Variants in GPC6 observed in about 807,000 individuals in gnomAD.
GPC6 encodes the protein glypican 6.
A neutral mutation model predicts 55.2 loss-of-function variants in GPC6; 14 were observed. That is an observed-to-expected ratio of 0.25 (90% CI 0.17 to 0.40). The LOEUF (loss-of-function observed/expected upper bound fraction) is 0.40, where lower values mean the gene tolerates loss of function less well. GPC6 is among the 10% of genes least tolerant of loss of function. The pLI is 1.00. For synonymous variants in GPC6, 278 were observed against 259.6 expected, an observed-to-expected ratio of 1.07 and a Z score of -0.68; for missense variants, 641 against 708.5, an observed-to-expected ratio of 0.90 and a Z score of 1.08.
At chr13:94,100,969 G>T (rs550702901) in intron 4 of GPC6, among the ~76,000 whole-genome samples, 1 of 152,280 alleles carries the variant, frequency 6.6e-6, no homozygotes, top group South Asian at 2.1e-4. Context: ...ATTACAAGAG[G>T]TCATTCATTT....
chr13:93,867,068 C>T (rs1216850438), intron 3 of GPC6, among the ~76,000 whole-genome samples: 1 of 151,610 alleles, frequency 6.6e-6, no homozygotes, highest in Admixed American at 6.6e-5. Context: ...TAGGAGATGA[C>T]TGAAATGTAT....
intron 3 of GPC6, among the ~76,000 whole-genome samples, chr13:94,010,833 T>C (rs767260749): frequency 6.6e-6 from 1 of 152,188 alleles, no homozygotes; most frequent in Non-Finnish European, 1.5e-5. Flanking sequence ...TAATGGTGGA[T>C]GATGTTCCTA....
chr13:93,358,518 C>T (rs567698356), intron 1 of GPC6, among the ~76,000 whole-genome samples: 100 of 152,198 alleles, frequency 6.6e-4, no homozygotes, highest in African/African-American at 2.4e-3. Flanking sequence ...CAGGTCCCAC[C>T]GCCCTTAAGT....
chr13:93,619,860 T>G (rs1878877494), intron 2 of GPC6, among the ~76,000 whole-genome samples: 1 of 152,188 alleles, frequency 6.6e-6, no homozygotes, highest in African/African-American at 2.4e-5. Flanking sequence ...TTTTTTGTTT[T>G]CATAGTATAG....
intron 3 of GPC6, among the ~76,000 whole-genome samples, chr13:93,839,244 A>G (rs1038778599): frequency 2.0e-5 from 3 of 152,120 alleles, no homozygotes; most frequent in African/African-American, 7.2e-5. Flanking sequence ...AAGGTGTGCA[A>G]AGCTTGGTTC....
chr13:94,350,335 CTG>C (rs2139167415), intron 6 of GPC6, among the ~76,000 whole-genome samples: 1 of 152,300 alleles, frequency 6.6e-6, no homozygotes, highest in South Asian at 2.1e-4. Flanking sequence ...ATCAGAGTCT[CTG>C]TGGTCCAGAC....
intron 4 of GPC6, among the ~76,000 whole-genome samples, chr13:94,058,909 A>G (rs927649704): frequency 3.3e-5 from 5 of 152,158 alleles, no homozygotes; most frequent in Non-Finnish European, 5.9e-5. Context: ...CTACTCAACA[A>G]TTTCTTCATC....
chr13:93,817,268 T>G (rs1886886405), intron 2 of GPC6, among the ~76,000 whole-genome samples: 1 of 152,232 alleles, frequency 6.6e-6, no homozygotes, highest in Non-Finnish European at 1.5e-5. Flanking sequence ...AGTAGCTGAC[T>G]GATAGTATTT....
chr13:93,971,876 A>C (rs916796228), intron 3 of GPC6, among the ~76,000 whole-genome samples: 5 of 152,266 alleles, frequency 3.3e-5, no homozygotes, highest in Middle Eastern at 3.4e-3. Context: ...CCATGCCCCA[A>C]ATTTCTTATC....
chr13:93,882,602 T>G (rs1875063111), intron 3 of GPC6, among the ~76,000 whole-genome samples: 1 of 152,136 alleles, frequency 6.6e-6, no homozygotes, highest in African/African-American at 2.4e-5. Context: ...GAGATCATTT[T>G]GTGTGATGTA....
chr13:94,337,991 G>A (rs17253843), intron 6 of GPC6, among the ~76,000 whole-genome samples: 7,739 of 152,222 alleles, frequency 0.051, 324 homozygotes, highest in South Asian at 0.19. Flanking sequence ...AAGGCAATTC[G>A]CACACGTTAA....
chr13:94,270,300 T>C (rs1891951414), intron 4 of GPC6, among the ~76,000 whole-genome samples: 1 of 152,210 alleles, frequency 6.6e-6, no homozygotes, highest in Non-Finnish European at 1.5e-5. Context: ...GAGTATATTT[T>C]ATAATAGTGC....
intron 4 of GPC6, among the ~76,000 whole-genome samples, chr13:94,191,964 G>A (rs1232382441): frequency 1.3e-5 from 2 of 152,122 alleles, no homozygotes; most frequent in African/African-American, 4.8e-5. Context: ...TACTTGAAGA[G>A]AAGACCTCTC....
Position 93,365,002 on chromosome 13 carries a change from A to G in GPC6, c.160+137386A>G, listed in dbSNP as rs147345620. Among the ~76,000 whole-genome samples, 696 of 151,900 alleles carry G rather than the reference A, an allele frequency of 4.6e-3. 3 individuals carry two copies. The highest frequency in any genetic ancestry group is 8.0e-3 in the Non-Finnish European group (544 of 67,946). ...TTTCTAGTGTAATAGTCTTAGCTCCATGTTCTTCTTTTTCTACATCTTCTG... is the reference window on the plus strand; with the variant it reads ...TTTCTAGTGTAATAGTCTTAGCTCCGTGTTCTTCTTTTTCTACATCTTCTG... On this transcript the variant is annotated intron_variant, in intron 1 of 8. Coordinates refer to ENST00000377047, the MANE Select transcript of GPC6 (RefSeq NM_005708.5).
intron 6 of GPC6, among the ~76,000 whole-genome samples, chr13:94,347,372 C>T (rs1878344115): frequency 6.6e-6 from 1 of 152,112 alleles, no homozygotes; most frequent in Admixed American, 6.5e-5. Context: ...AACAACTGTC[C>T]TGAAAGCTCC....
intron 1 of GPC6, among the ~76,000 whole-genome samples, chr13:93,517,300 C>T (rs1881241557): frequency 6.6e-6 from 1 of 151,898 alleles, no homozygotes; most frequent in South Asian, 2.1e-4. Flanking sequence ...ATTTCCATGG[C>T]CCTTTGGGGA....
chr13:93,861,762 A>T (rs1888820240), intron 3 of GPC6, among the ~76,000 whole-genome samples: 1 of 151,704 alleles, frequency 6.6e-6, no homozygotes, highest in Admixed American at 6.6e-5. Flanking sequence ...TGGTCTAAAA[A>T]TCAGCCCCTT....
intron 2 of GPC6, among the ~76,000 whole-genome samples, chr13:93,746,194 A>G (rs574976515): frequency 8.5e-5 from 13 of 152,170 alleles, no homozygotes; most frequent in African/African-American, 1.9e-4. Context: ...GGTGATTCCA[A>G]CTCTTCAAAA....
chr13:93,310,926 C>T (rs771370011), intron 1 of GPC6, among the ~76,000 whole-genome samples: 4 of 152,240 alleles, frequency 2.6e-5, no homozygotes, highest in Non-Finnish European at 4.4e-5. Flanking sequence ...TTACAAACTA[C>T]GAAATCCTTT....
Sources: gnomAD v4.1 joint callset for allele counts (sites outside exome capture counted in the v4.1 genomes callset) on GRCh38, gnomAD v4.1.1 for gene constraint, MANE v1.5 for transcripts, NCBI Gene and HGNC (gene_info 2026-07-23, HGNC 2026-07-21) for gene names.